FREM2: variants seen among roughly 807,000 people sequenced by gnomAD.
FREM2 encodes the protein FRAS1 related extracellular matrix 2.
A neutral mutation model predicts 219.9 loss-of-function variants in FREM2; 119 were observed. The ratio of observed to expected loss-of-function variants is 0.54; its 90% CI spans 0.47 to 0.63. The LOEUF (loss-of-function observed/expected upper bound fraction) is 0.63, where lower values mean the gene tolerates loss of function less well. FREM2 is among the 30% of genes least tolerant of loss of function. The pLI, the probability that FREM2 is intolerant of heterozygous loss-of-function variation, is 0.00. For missense variants in FREM2, 4,030 were observed against 3,993.6 expected, an observed-to-expected ratio of 1.01 and a Z score of -0.25; for synonymous variants, 1,562 against 1,522.8, an observed-to-expected ratio of 1.03 and a Z score of -0.60.
At chr13:38,843,458 C>T (rs1230248868) in intron 6 of FREM2, among the ~76,000 whole-genome samples, 1 of 149,436 alleles carries the variant, frequency 6.7e-6, no homozygotes, top group South Asian at 2.1e-4. Flanking sequence ...AAAAAGTTTA[C>T]CAAAGAAAGA....
At chr13:38,778,842 A>G (rs1873988897) in intron 4 of FREM2, among the ~76,000 whole-genome samples, 3 of 152,182 alleles carry the variant, frequency 2.0e-5, no homozygotes, top group African/African-American at 4.8e-5. Flanking sequence ...GTAATATTTC[A>G]TACTAATGCC....
chr13:38,815,842 C>G (rs1875743608), intron 6 of FREM2, among the ~76,000 whole-genome samples: 1 of 152,136 alleles, frequency 6.6e-6, no homozygotes, highest in African/African-American at 2.4e-5. Flanking sequence ...TTACATCCAC[C>G]AAGGGAGGAC....
At chr13:38,735,822 C>T (rs1871968063) in intron 2 of FREM2, among the ~76,000 whole-genome samples, 1 of 152,278 alleles carries the variant, frequency 6.6e-6, no homozygotes, top group East Asian at 1.9e-4. Flanking sequence ...TGACTGTTTC[C>T]TCTGCCTCCC....
At chr13:38,732,647 T>C (rs1317414685) in intron 2 of FREM2, among the ~76,000 whole-genome samples, 1 of 152,208 alleles carries the variant, frequency 6.6e-6, no homozygotes, top group Admixed American at 6.5e-5. Context: ...TGCCCCGAGC[T>C]GTGCAGTCCT....
At chr13:38,848,368 G>T in intron 7 of FREM2, 93 bp from the exon 8 acceptor site, 1 of 944,088 alleles carries the variant, frequency 1.1e-6, no homozygotes, top group Non-Finnish European at 1.7e-6. Flanking sequence ...TTTTTTAAAA[G>T]AAGAATTATA....
In FREM2 at chr13:38,760,004, C is replaced by T. The variant is rs187587755; in HGVS notation, c.5264-4300C>T. Among the ~76,000 whole-genome samples the T allele has an allele frequency of 1.6e-3, 236 of 152,238 alleles. 2 individuals carry two copies. Among genetic ancestry groups the T allele is most frequent in the African/African-American group, 5.3e-3 (220 of 41,538 alleles). ...TCCTCAAATCTCTATATCACTCTTG[C>T]GTAAGAAGTGAGTACCTAAGATTTT... is the stretch of plus-strand genomic sequence containing the variant. On this transcript the variant is annotated intron_variant, in intron 2 of 23. Transcript: ENST00000280481.
chr13:38,770,263 G>T (rs981691027), intron 4 of FREM2, among the ~76,000 whole-genome samples: 3 of 150,506 alleles, frequency 2.0e-5, no homozygotes, highest in South Asian at 4.2e-4. Context: ...TTGCTATGCT[G>T]CCCAGGCTGG....
intron 7 of FREM2, among the ~76,000 whole-genome samples, chr13:38,847,765 C>G (rs1877218564): frequency 1.3e-5 from 2 of 152,260 alleles, no homozygotes; most frequent in South Asian, 4.1e-4. Flanking sequence ...TATTATCGAT[C>G]TGTTGCCCAC....
chr13:38,813,746 T>C (rs1029032455), intron 6 of FREM2, among the ~76,000 whole-genome samples: 5 of 151,138 alleles, frequency 3.3e-5, no homozygotes, highest in Non-Finnish European at 7.4e-5. Context: ...TTTCTCTAGG[T>C]TTGGGAAGTT....
chr13:38,692,785 T>G (rs1002396450), intron 1 of FREM2, among the ~76,000 whole-genome samples: 1 of 152,174 alleles, frequency 6.6e-6, no homozygotes, highest in African/African-American at 2.4e-5. Context: ...TTTGGTGAAT[T>G]AAAATCGAAG....
At chr13:38,847,478 C>T (rs553793692) in intron 7 of FREM2, among the ~76,000 whole-genome samples, 3 of 152,096 alleles carry the variant, frequency 2.0e-5, no homozygotes, top group East Asian at 1.9e-4. Context: ...GTGCTTTGCA[C>T]GTAGCAGGTG....
At chr13:38,847,621 C>G (rs892643137) in intron 7 of FREM2, among the ~76,000 whole-genome samples, 1 of 151,794 alleles carries the variant, frequency 6.6e-6, no homozygotes, top group African/African-American at 2.4e-5. Flanking sequence ...TAAAAAGAAC[C>G]ACAGGGAGAT....
In FREM2 at chr13:38,688,143, C is replaced by T. The variant is rs1429649089; in HGVS notation, c.799C>T (p.Arg267Cys). The T allele has an allele frequency of 3.1e-6, 5 of 1,613,402 alleles. No individual in the cohort carries two copies. The East Asian group carries it at 1.1e-4, about 36-fold the overall frequency. ...TTTCCAGGAACTAGGCGTGCGCTATCGCCACACAGCCGCCAGTCGCTCACC... is the reference window on the plus strand; with the variant it reads ...TTTCCAGGAACTAGGCGTGCGCTATTGCCACACAGCCGCCAGTCGCTCACC... ...KAFQELGVRY[R>C]HTAASRSPNR... Residue 267 changes from arginine (R) to cysteine (C), a missense_variant, in exon 1 of 24, where the codon CGC becomes TGC. Around this residue, in one of 2 missense-constraint regions of FREM2, gnomAD observed 3,102 missense variants for 2,950.7 expected, o/e 1.05. Coordinates refer to ENST00000280481, the MANE Select transcript of FREM2 (RefSeq NM_207361.6).
intron 6 of FREM2, among the ~76,000 whole-genome samples, chr13:38,812,749 G>T (rs1875542511): frequency 6.6e-6 from 1 of 151,910 alleles, no homozygotes; most frequent in East Asian, 1.9e-4. Flanking sequence ...CAGGTGTGGT[G>T]GTGTGTACCT....
At chr13:38,862,140 C>T (rs984633124) in intron 15 of FREM2, among the ~76,000 whole-genome samples, 2 of 152,186 alleles carry the variant, frequency 1.3e-5, no homozygotes, top group Non-Finnish European at 2.9e-5. Context: ...TTATTTTCCA[C>T]TCAAATCACT....
chr13:38,860,224 G>T (rs563092995), intron 14 of FREM2, among the ~76,000 whole-genome samples: 1 of 152,122 alleles, frequency 6.6e-6, no homozygotes, highest in South Asian at 2.1e-4. Context: ...GAGGGGAAGG[G>T]CAGTCCAGAT....
chr13:38,734,168 A>C (rs1035506095), intron 2 of FREM2, among the ~76,000 whole-genome samples: 7 of 150,302 alleles, frequency 4.7e-5, no homozygotes, highest in East Asian at 3.9e-4. Context: ...CACACACACA[A>C]AAAAAAAAGA....
intron 2 of FREM2, among the ~76,000 whole-genome samples, chr13:38,723,965 A>G (rs1316943955): frequency 6.6e-6 from 1 of 152,202 alleles, no homozygotes; most frequent in Non-Finnish European, 1.5e-5. Flanking sequence ...AGCCAAGAGT[A>G]CCCTGACTCT....
In FREM2 at chr13:38,691,832, C is replaced by T; in HGVS notation, c.4488C>T (p.His1496=). The T allele has an allele frequency of 2.5e-6, 4 of 1,614,140 alleles. No individual in the cohort carries two copies. Among genetic ancestry groups the T allele is most frequent in the Non-Finnish European group, 3.4e-6 (4 of 1,180,040 alleles). The change falls in exon 1 of 24, where the codon CAC becomes CAT. Residue 1496 remains histidine, a synonymous_variant. Coordinates refer to ENST00000280481, the MANE Select transcript of FREM2 (RefSeq NM_207361.6). Reference sequence around the variant, plus strand: ...CTGGAAACAAAATCTACTACATCCACACAGCTGATGATGAAGTGAAAATGG... The same window carrying T: ...CTGGAAACAAAATCTACTACATCCATACAGCTGATGATGAAGTGAAAATGG... ...QLAGNKIYYI[H]TADDEVKMDS... is the part of the protein sequence containing the mutation.
Sources: allele counts gnomAD v4.1 joint callset (sites outside exome capture counted in the v4.1 genomes callset), GRCh38; gene constraint gnomAD v4.1.1; regional missense constraint gnomAD v4.1.1; transcripts MANE v1.5; gene names NCBI Gene and HGNC (gene_info 2026-07-23, HGNC 2026-07-21).